Variants in FRMD6 observed in about 807,000 individuals in gnomAD.
FRMD6 encodes the protein FERM domain-containing protein 6.
In FRMD6, 37 loss-of-function variants were observed where a neutral mutation model predicts 73.2. The observed-to-expected ratio is 0.51, with a 90% CI of 0.39 to 0.66. The LOEUF is 0.66. Among genes scored for constraint, FRMD6 ranks in the 30% least tolerant of loss-of-function variants. FRMD6 has a pLI of 0.00. For missense variants in FRMD6, 714 were observed against 780.5 expected (o/e 0.91, Z 1.02); for synonymous variants, 273 against 282.2 (o/e 0.97, Z 0.33).
the FRMD6 span, among the ~76,000 whole-genome samples, chr14:51,481,856 G>C: frequency 6.6e-6 from 1 of 152,228 alleles, no homozygotes; most frequent in East Asian, 1.9e-4. Flanking sequence ...CAGTAGATCA[G>C]TAACAGAGAT....
chr14:51,660,631 A>T (rs1350819859), intron 1 of FRMD6, among the ~76,000 whole-genome samples: 1 of 148,642 alleles, frequency 6.7e-6, no homozygotes. Context: ...AAAAAAAAAA[A>T]TTCTGCCTTC....
At chr14:51,523,641 GA>G (rs1885069584) in intron 1 of FRMD6, among the ~76,000 whole-genome samples, 1 of 152,148 alleles carries the variant, frequency 6.6e-6, no homozygotes, top group African/African-American at 2.4e-5. Context: ...TGTAGAATAG[GA>G]TGGTGACAAA....
rs572205920 is a variant in FRMD6 at position 51,576,625 on chromosome 14, G to A, written c.-147+6215G>A. Among the ~76,000 whole-genome samples the A allele has an allele frequency of 8.5e-5, 13 of 152,142 alleles. No homozygotes were observed. The East Asian group carries it at 1.7e-3, about 20-fold the overall frequency. Reference sequence around the variant, plus strand: ...TACTCCCCTGCACCCCTAAGCTCACGTTCTTCATCTTCTCTTTGACCCTCA... The same window carrying A: ...TACTCCCCTGCACCCCTAAGCTCACATTCTTCATCTTCTCTTTGACCCTCA... On this transcript the variant is annotated intron_variant, in intron 2 of 14. Coordinates refer to the FRMD6 transcript ENST00000356218.
At chr14:51,651,216 G>A (rs45618241), upstream of FRMD6, 8,834 of 152,384 alleles carry the variant, frequency 0.058, 331 homozygotes, top group African/African-American at 0.1. Flanking sequence ...GTCTACCTGA[G>A]GAACTGGAGA....
chr14:51,472,546 G>C, the FRMD6 span, among the ~76,000 whole-genome samples: 1 of 152,102 alleles, frequency 6.6e-6, no homozygotes, highest in Non-Finnish European at 1.5e-5. Context: ...CTCGTGATCT[G>C]CCCACCTCAG....
intron 2 of FRMD6, among the ~76,000 whole-genome samples, chr14:51,696,998 A>C (rs1895989072): frequency 6.6e-6 from 1 of 152,206 alleles, no homozygotes; most frequent in Admixed American, 6.5e-5. Context: ...GCTATTATCA[A>C]AAAGACAAAA....
intron 1 of FRMD6, among the ~76,000 whole-genome samples, chr14:51,532,150 C>T (rs913200887): frequency 1.3e-5 from 2 of 152,050 alleles, no homozygotes; most frequent in East Asian, 1.9e-4. Flanking sequence ...GGGCGGATCA[C>T]GAGGTCAGAA....
chr14:51,620,677 G>A (rs562499163), intron 2 of FRMD6, among the ~76,000 whole-genome samples: 3 of 152,294 alleles, frequency 2.0e-5, no homozygotes, highest in African/African-American at 7.2e-5. Flanking sequence ...TTCTCTGGAT[G>A]GATGTCTTTG....
intron 10 of FRMD6, among the ~76,000 whole-genome samples, chr14:51,718,848 C>T (rs1277571755): frequency 6.6e-6 from 1 of 152,106 alleles, no homozygotes; most frequent in Non-Finnish European, 1.5e-5. Flanking sequence ...GAAGGCGCAT[C>T]TTTTCTTTCT....
At chr14:51,508,590 T>C (rs1334626795) in intron 1 of FRMD6, among the ~76,000 whole-genome samples, 1 of 152,178 alleles carries the variant, frequency 6.6e-6, no homozygotes, top group African/African-American at 2.4e-5. Context: ...TGAAAACTCA[T>C]TCAGTTTCTC....
the FRMD6 span, among the ~76,000 whole-genome samples, chr14:51,471,825 A>T: frequency 8.5e-5 from 13 of 152,342 alleles, no homozygotes. Context: ...AAAATGAAAA[A>T]TAGGAAAAAG....
At chr14:51,552,761 C>T (rs1886912016) in intron 1 of FRMD6, among the ~76,000 whole-genome samples, 1 of 152,208 alleles carries the variant, frequency 6.6e-6, no homozygotes, top group African/African-American at 2.4e-5. Context: ...CACCTGAGAA[C>T]AATGAGCCTC....
the FRMD6 span, among the ~76,000 whole-genome samples, chr14:51,456,397 T>C: frequency 6.6e-6 from 1 of 152,082 alleles, no homozygotes; most frequent in Non-Finnish European, 1.5e-5. Flanking sequence ...TGAGAACATA[T>C]GGTGTTTGGT....
chr14:51,591,516 T>A (rs1440383489), intron 2 of FRMD6, among the ~76,000 whole-genome samples: 1 of 152,224 alleles, frequency 6.6e-6, no homozygotes, highest in African/African-American at 2.4e-5. Flanking sequence ...ATTCTCAACA[T>A]TTCTATATTT....
the FRMD6 span, among the ~76,000 whole-genome samples, chr14:51,423,782 C>A: frequency 6.6e-6 from 1 of 152,122 alleles, no homozygotes; most frequent in African/African-American, 2.4e-5. Flanking sequence ...TTTTTGTCCC[C>A]CCTTTTCATC....
At chr14:51,691,053 A>G (rs1895530275) in intron 2 of FRMD6, among the ~76,000 whole-genome samples, 1 of 152,190 alleles carries the variant, frequency 6.6e-6, no homozygotes, top group Admixed American at 6.5e-5. Context: ...GGTAAAAACT[A>G]TTCTGATCTC....
chr14:51,522,976 T>C (rs1732375576), intron 1 of FRMD6: 2 of 152,168 alleles, frequency 1.3e-5, no homozygotes, highest in Admixed American at 6.5e-5. Context: ...TACAAAAATA[T>C]AGGTTATAGA....
intron 1 of FRMD6, among the ~76,000 whole-genome samples, chr14:51,561,952 C>T (rs944095269): frequency 8.5e-5 from 13 of 152,078 alleles, no homozygotes; most frequent in African/African-American, 1.2e-4. Context: ...GGTGTTAAAC[C>T]ATTTTCTAAA....
chr14:51,719,449 CAAG>C (rs922490768), intron 10 of FRMD6, among the ~76,000 whole-genome samples: 6 of 152,162 alleles, frequency 3.9e-5, no homozygotes, highest in African/African-American at 9.7e-5. Context: ...AGAATATTCA[CAAG>C]AAATTCTCAG....
Sources: allele counts gnomAD v4.1 joint callset (sites outside exome capture counted in the v4.1 genomes callset), GRCh38; gene constraint gnomAD v4.1.1; transcripts MANE v1.5; gene names NCBI Gene and HGNC (gene_info 2026-07-23, HGNC 2026-07-21).